COL23A1: variants seen among roughly 807,000 people sequenced by gnomAD.
COL23A1 encodes collagen alpha-1(XXIII) chain.
Under a neutral mutation model 99.3 loss-of-function variants are expected in COL23A1, and 97 were observed. That is an observed-to-expected ratio of 0.98 (90% confidence interval 0.83 to 1.16). The LOEUF is 1.16. COL23A1 is among the 50% of genes most tolerant of loss of function. The pLI is 0.00. For synonymous variants in COL23A1, 320 were observed against 308.2 expected (o/e 1.04, Z -0.40); for missense variants, 762 against 757.4 (o/e 1.01, Z -0.07).
intron 2 of COL23A1, among the ~76,000 whole-genome samples, chr5:178,500,653 A>AT (rs1481655141): frequency 6.6e-6 from 1 of 151,544 alleles, no homozygotes; most frequent in Non-Finnish European, 1.5e-5. Flanking sequence ...AAAGAAAAAA[A>AT]AAAAAAAGAA....
chr5:178,283,056 T>A (rs772176936), intron 5 of COL23A1, among the ~76,000 whole-genome samples: 2 of 152,050 alleles, frequency 1.3e-5, no homozygotes, highest in Non-Finnish European at 2.9e-5. Flanking sequence ...TTTTTATTTT[T>A]ATTTTTTTTG....
chr5:178,542,161 C>A (rs1761325819), intron 2 of COL23A1, among the ~76,000 whole-genome samples: 1 of 152,144 alleles, frequency 6.6e-6, no homozygotes, highest in Non-Finnish European at 1.5e-5. Flanking sequence ...GTAGCTGGGA[C>A]TACAGGCACC....
At chr5:178,268,021 G>A (rs2127560205) in intron 7 of COL23A1, among the ~76,000 whole-genome samples, 1 of 152,334 alleles carries the variant, frequency 6.6e-6, no homozygotes. Context: ...CAGCTCCCAT[G>A]CCTCCCCACG....
At chr5:178,424,337 T>A (rs945070397) in intron 2 of COL23A1, among the ~76,000 whole-genome samples, 1 of 152,220 alleles carries the variant, frequency 6.6e-6, no homozygotes, top group African/African-American at 2.4e-5. Flanking sequence ...CGTGTGAATG[T>A]GAAATTGGGC....
At chr5:178,502,928 C>A (rs560335043) in intron 2 of COL23A1, among the ~76,000 whole-genome samples, 1 of 152,350 alleles carries the variant, frequency 6.6e-6, no homozygotes, top group East Asian at 1.9e-4. Context: ...AGCACCAGGA[C>A]TGAATGAGTG....
intron 2 of COL23A1, among the ~76,000 whole-genome samples, chr5:178,545,575 C>A (rs1761535583): frequency 6.6e-6 from 1 of 152,158 alleles, no homozygotes; most frequent in South Asian, 2.1e-4. Context: ...ACCTACAGGG[C>A]AGCAAAAGGA....
At chr5:178,425,888 G>A (rs1268689115) in intron 2 of COL23A1, among the ~76,000 whole-genome samples, 1 of 152,230 alleles carries the variant, frequency 6.6e-6, no homozygotes, top group Non-Finnish European at 1.5e-5. Flanking sequence ...GCTACTGCCT[G>A]CCCATGGGGC....
At chr5:178,371,856 C>T (rs1225559948) in intron 2 of COL23A1, among the ~76,000 whole-genome samples, 1 of 152,248 alleles carries the variant, frequency 6.6e-6, no homozygotes, top group Non-Finnish European at 1.5e-5. Flanking sequence ...CATTTTCTAG[C>T]TGTTGCCAAC....
intron 2 of COL23A1, among the ~76,000 whole-genome samples, chr5:178,391,422 G>A (rs1763956996): frequency 6.6e-6 from 1 of 152,234 alleles, no homozygotes; most frequent in Non-Finnish European, 1.5e-5. Context: ...GGCAGAGGAT[G>A]TCAATGGACC....
At chr5:178,549,023 T>G (rs957148558) in intron 2 of COL23A1, among the ~76,000 whole-genome samples, 2 of 151,424 alleles carry the variant, frequency 1.3e-5, no homozygotes, top group Non-Finnish European at 2.9e-5. Flanking sequence ...TGAGATGGAG[T>G]CTCGCTCTGT....
rs148952678 is a variant in COL23A1 at position 178,281,816 on chromosome 5, G to A, written c.441+6508C>T. ...TGTAATCCTAGCACTTTGGGAGGCC[G>A]AGGTGGTCAGATTGCCTGAGCTCAG... On this transcript the variant is annotated intron_variant, in intron 5 of 28. Transcript: ENST00000390654. This position sits in a 1 kb window ranked among gnomAD's most constrained non-coding sequence, Gnocchi z 4.0. Among the ~76,000 whole-genome samples, 292 of 152,138 alleles carry A rather than the reference G, an allele frequency of 1.9e-3. 1 individual carries two copies. The highest frequency in any genetic ancestry group is 6.7e-3 in the African/African-American group (278 of 41,504).
intron 1 of COL23A1, among the ~76,000 whole-genome samples, chr5:178,584,055 A>G (rs1581684143): frequency 6.6e-6 from 1 of 151,962 alleles, no homozygotes; most frequent in South Asian, 2.1e-4. Flanking sequence ...AGATGTACTC[A>G]CCCAGGCTAG....
intron 2 of COL23A1, among the ~76,000 whole-genome samples, chr5:178,519,034 C>T (rs1759791658): frequency 1.3e-5 from 2 of 151,164 alleles, no homozygotes; most frequent in African/African-American, 4.8e-5. Context: ...TGCCCCGGGC[C>T]GCAGCGCAGC....
chr5:178,560,732 G>A lies in COL23A1; in HGVS notation c.311C>T (p.Ala104Val), dbSNP rs761808740. Residue 104 changes from alanine to valine, a missense_variant, in exon 2 of 29, where the codon GCG (alanine) becomes GTG (valine). By Grantham distance (64) the Ala-to-Val change is moderately conservative. Coordinates refer to ENST00000390654, the MANE Select transcript of COL23A1 (RefSeq NM_173465.4). Reference sequence around the variant, plus strand: ...AGCTTCCCGAGCAGTCCGGATCTTCGCTAGTCCGTCCAACTTCTGAGCCGG... The same window carrying A: ...AGCTTCCCGAGCAGTCCGGATCTTCACTAGTCCGTCCAACTTCTGAGCCGG... ...RLLREKLDGL[A>V]KIRTAREAPS... The A allele has an allele frequency of 2.5e-6, 4 of 1,611,540 alleles. No homozygotes were observed. The highest frequency in any genetic ancestry group is 2.2e-5 in the South Asian group (2 of 90,548).
At chr5:178,518,921 C>T (rs1228271553) in intron 2 of COL23A1, among the ~76,000 whole-genome samples, 2 of 93,292 alleles carry the variant, frequency 2.1e-5, no homozygotes, top group Non-Finnish European at 4.0e-5. Context: ...ATCCTCCCGG[C>T]GGTCGGGCGG....
In COL23A1 at chr5:178,560,889, A is replaced by G. The variant is rs539854173; in HGVS notation, c.295-141T>C. The stretch of plus-strand genomic sequence containing the variant: ...GGGCTGTCTGTGAGACCATCTCTCA[A>G]AAGATCCTTAAACTCTACAGGGAAT... On this transcript the variant is annotated intron_variant, in intron 1 of 28. Coordinates refer to ENST00000390654, the MANE Select transcript of COL23A1 (RefSeq NM_173465.4). The G allele has an allele frequency of 2.9e-5, 22 of 749,930 alleles. No homozygotes were observed. In the Middle Eastern group the frequency reaches 4.0e-3, roughly 136 times the overall value. The allele number at this position is 749,930 out of a possible 1,614,324, so 46.5% of individuals were successfully genotyped here.
At chr5:178,241,231 T>G (rs536819117) in intron 27 of COL23A1, among the ~76,000 whole-genome samples, 1 of 151,716 alleles carries the variant, frequency 6.6e-6, no homozygotes, top group Admixed American at 6.6e-5. Flanking sequence ...CGAAAAGAAA[T>G]AAATGGAGCT....
chr5:178,548,450 G>A (rs916580025), intron 2 of COL23A1, among the ~76,000 whole-genome samples: 2 of 152,004 alleles, frequency 1.3e-5, no homozygotes, highest in South Asian at 2.1e-4. Flanking sequence ...TCCAAAAACC[G>A]GGAGTCACCC....
chr5:178,587,577 A>G (rs768718752), intron 1 of COL23A1, among the ~76,000 whole-genome samples: 6 of 152,216 alleles, frequency 3.9e-5, no homozygotes, highest in Non-Finnish European at 8.8e-5. Context: ...CTGCCCGCAC[A>G]CTCACATACA....
Sources: gnomAD v4.1 joint callset for allele counts (sites outside exome capture counted in the v4.1 genomes callset) on GRCh38, gnomAD v4.1.1 for gene constraint, Gnocchi (gnomAD v3.1) non-coding constraint, MANE v1.5 for transcripts, NCBI Gene and HGNC (gene_info 2026-07-23, HGNC 2026-07-21) for gene names.